TRERF1: variants seen among roughly 807,000 people sequenced by gnomAD.
TRERF1 encodes transcriptional-regulating factor 1.
TRERF1 carries 27 observed loss-of-function variants against 122.9 expected under a neutral mutation model. The observed-to-expected ratio is 0.22, with a 90% CI of 0.16 to 0.30. The LOEUF is 0.30. Ranked by LOEUF, TRERF1 falls within the 10% of genes least tolerant of loss-of-function variation. TRERF1 has a pLI of 1.00. For missense variants in TRERF1, 1,248 were observed against 1,560.3 expected (o/e 0.80, Z 3.37); for synonymous variants, 636 against 641.7 (o/e 0.99, Z 0.13).
intron 2 of TRERF1, among the ~76,000 whole-genome samples, chr6:42,369,178 G>C (rs1198213796): frequency 1.3e-5 from 2 of 152,130 alleles, no homozygotes; most frequent in Non-Finnish European, 2.9e-5. Flanking sequence ...GGCCAGGCAC[G>C]GTGGCTCACA....
chr6:42,399,195 T>C (rs542124429), intron 2 of TRERF1, among the ~76,000 whole-genome samples: 1 of 152,320 alleles, frequency 6.6e-6, no homozygotes, highest in South Asian at 2.1e-4. Context: ...TGAAACAGAA[T>C]GTACAGAATT....
intron 4 of TRERF1, among the ~76,000 whole-genome samples, chr6:42,278,577 G>C (rs530662564): frequency 4.5e-4 from 69 of 152,164 alleles, no homozygotes; most frequent in Non-Finnish European, 8.2e-4. Context: ...TGCCAGGGAT[G>C]AGGACCACTC....
rs1417247940 is a variant in TRERF1, at chr6:42,259,088, C to G, written c.2269+251G>C. Among the ~76,000 whole-genome samples the G allele has an allele frequency of 6.6e-6, 1 of 152,090 alleles. No individual in the cohort carries two copies. Among genetic ancestry groups the G allele is most frequent in the Non-Finnish European group, 1.5e-5 (1 of 68,012 alleles). ...CTGGCAGCCTTAAAAAGTGGGTGAA[C>G]ATTTCAACTGTTTCCTTATCCCAGA... On this transcript the variant is annotated intron_variant, in intron 9 of 17. Coordinates refer to ENST00000372922, the Ensembl canonical transcript of TRERF1. This position sits in a 1 kb window ranked among gnomAD's most constrained non-coding sequence, Gnocchi z 4.9.
At chr6:42,343,765 TA>T (rs796544528) in intron 3 of TRERF1, among the ~76,000 whole-genome samples, 5 of 152,322 alleles carry the variant, frequency 3.3e-5, no homozygotes, top group African/African-American at 9.6e-5. Flanking sequence ...GACATGAGGA[TA>T]GGGGTATTTC....
At chr6:42,388,445 A>G (rs936329890) in intron 2 of TRERF1, among the ~76,000 whole-genome samples, 1 of 152,114 alleles carries the variant, frequency 6.6e-6, no homozygotes, top group African/African-American at 2.4e-5. Context: ...TCAAGTCCGC[A>G]CAGTTGCCGC....
intron 2 of TRERF1, among the ~76,000 whole-genome samples, chr6:42,375,178 G>A (rs531882648): frequency 1.3e-5 from 2 of 152,034 alleles, no homozygotes; most frequent in African/African-American, 2.4e-5. Context: ...ACAATGGGGC[G>A]CCAACAAAGT....
intron 2 of TRERF1, among the ~76,000 whole-genome samples, chr6:42,379,069 G>A (rs138895740): frequency 5.9e-5 from 9 of 152,258 alleles, no homozygotes; most frequent in African/African-American, 1.9e-4. Context: ...GCAGTAAGCC[G>A]TGATGGCACC....
rs376845598 is a variant in TRERF1, at chr6:42,265,735, G to C, written c.1484+16C>G. 2 of 1,611,692 alleles carry C rather than the reference G, an allele frequency of 1.2e-6. No homozygotes were observed. Among genetic ancestry groups the C allele is most frequent in the Non-Finnish European group, 1.7e-6 (2 of 1,178,914 alleles). On this transcript the variant is annotated intron_variant, in intron 6 of 17. Coordinates refer to ENST00000372922, the Ensembl canonical transcript of TRERF1. ...CCCCGTCTCCCAAAATACCAACAAG[G>C]TTCCACTCATCCTACCTTGACTCAG...
intron 3 of TRERF1, among the ~76,000 whole-genome samples, chr6:42,314,314 T>C (rs767196041): frequency 2.1e-4 from 32 of 152,226 alleles, no homozygotes; most frequent in South Asian, 1.2e-3. Flanking sequence ...AAACATGCTT[T>C]AGAGTATGAG....
Position 42,232,962 on chromosome 6 carries a change from T to G in TRERF1, c.3067-70A>C. The G allele has an allele frequency of 6.7e-7, 1 of 1,484,966 alleles. No homozygotes were observed. The highest frequency in any genetic ancestry group is 9.0e-7 in the Non-Finnish European group (1 of 1,112,036). 92.0% of individuals were successfully genotyped at this position (1,484,966 alleles called of 1,614,324 possible). A position where few individuals can be genotyped will look rare whatever the true frequency, so the allele number is the denominator to read the frequency against. ...GAAATTAGGGTTATTAGTTACTCAG[T>G]GGTAAACATGGAATACTTGAAACTG... On this transcript the variant is annotated intron_variant, in intron 16 of 17. Transcript: ENST00000372922. The surrounding 1 kb of genome is among the most constrained non-coding windows in gnomAD (Gnocchi z 4.5).
chr6:42,305,216 C>A (rs1786974773), intron 3 of TRERF1, among the ~76,000 whole-genome samples: 1 of 152,148 alleles, frequency 6.6e-6, no homozygotes, highest in Non-Finnish European at 1.5e-5. Flanking sequence ...CCTCTTTATC[C>A]CATCACCCTG....
At chr6:42,382,420 A>G (rs1776103047) in intron 2 of TRERF1, among the ~76,000 whole-genome samples, 1 of 150,702 alleles carries the variant, frequency 6.6e-6, no homozygotes, top group African/African-American at 2.4e-5. Flanking sequence ...ACGTGATTAA[A>G]AAAAAAAAAA....
intron 3 of TRERF1, among the ~76,000 whole-genome samples, chr6:42,338,142 T>C (rs905072464): frequency 1.3e-5 from 2 of 152,132 alleles, no homozygotes; most frequent in African/African-American, 2.4e-5. Flanking sequence ...GGCTCACTGC[T>C]GTGAGGAAGT....
intron 4 of TRERF1, among the ~76,000 whole-genome samples, chr6:42,294,270 T>C (rs111603669): frequency 0.12 from 17,942 of 149,472 alleles, 1,050 homozygotes; most frequent in South Asian, 0.13. Context: ...CAACCTCCGC[T>C]TCCTGGGTTC....
At chr6:42,428,926 C>T (rs1784062499) in intron 2 of TRERF1, among the ~76,000 whole-genome samples, 1 of 152,176 alleles carries the variant, frequency 6.6e-6, no homozygotes, top group African/African-American at 2.4e-5. Context: ...AAGTCCAATA[C>T]ACTGGCTCTG....
chr6:42,435,691 G>A (rs936446208), intron 2 of TRERF1, among the ~76,000 whole-genome samples: 2 of 152,050 alleles, frequency 1.3e-5, no homozygotes, highest in African/African-American at 4.8e-5. Context: ...AATAAGTTAT[G>A]GAGGCCGGGC....
At chr6:42,373,900 C>T (rs531470120) in intron 2 of TRERF1, among the ~76,000 whole-genome samples, 1 of 151,158 alleles carries the variant, frequency 6.6e-6, no homozygotes, top group South Asian at 2.1e-4. Flanking sequence ...TTTGGGAGGC[C>T]AAGGTGGGCA....
chr6:42,257,361 A>T (rs1776958112), intron 10 of TRERF1, among the ~76,000 whole-genome samples: 1 of 152,122 alleles, frequency 6.6e-6, no homozygotes, highest in Non-Finnish European at 1.5e-5. Flanking sequence ...TAACTGGGAG[A>T]GGGAGGGTGA....
chr6:42,227,750 A>C (rs1409982908), exon 18 of TRERF1: 1 of 152,262 alleles, frequency 6.6e-6, no homozygotes, highest in Non-Finnish European at 1.5e-5. Context: ...AACACAGGGG[A>C]AACCTGTTTT....
Sources: gnomAD v4.1 joint callset for allele counts (sites outside exome capture counted in the v4.1 genomes callset) on GRCh38, gnomAD v4.1.1 for gene constraint, Gnocchi (gnomAD v3.1) non-coding constraint, MANE v1.5 for transcripts, NCBI Gene and HGNC (gene_info 2026-07-23, HGNC 2026-07-21) for gene names.